PDE4D: variants seen among roughly 807,000 people sequenced by gnomAD.
PDE4D encodes the protein 3',5'-cyclic-AMP phosphodiesterase 4D.
A neutral mutation model predicts 87.4 loss-of-function variants in PDE4D; 24 were observed. That is an observed-to-expected ratio of 0.27 (90% confidence interval 0.20 to 0.39). The LOEUF is 0.39. Among genes scored for constraint, PDE4D ranks in the 10% least tolerant of loss-of-function variants. PDE4D has a pLI of 1.00. For synonymous variants in PDE4D, 384 were observed against 383.2 expected (o/e 1.00, Z -0.02); for missense variants, 714 against 1,041.0 (o/e 0.69, Z 4.32).
At chr5:59,339,476 G>A (rs1419832499) in intron 1 of PDE4D, among the ~76,000 whole-genome samples, 1 of 152,170 alleles carries the variant, frequency 6.6e-6, no homozygotes, top group Non-Finnish European at 1.5e-5. Context: ...GGCAAAAGAA[G>A]TTTGAGAAAA....
chr5:59,670,247 C>T (rs1746967228), intron 1 of PDE4D, among the ~76,000 whole-genome samples: 1 of 152,288 alleles, frequency 6.6e-6, no homozygotes, highest in Admixed American at 6.5e-5. Context: ...GAGCCTGACA[C>T]ACAAGTACTC....
rs757251590 is a variant in PDE4D at position 59,762,260 on chromosome 5, GCGTATATGTGTATATGGGTACACATA to G, written c.455+130882_455+130907del. Among the ~76,000 whole-genome samples, 232 of 112,666 alleles carry G rather than the reference GCGTATATGTGTATATGGGTACACATA, an allele frequency of 2.1e-3. 5 individuals carry two copies. The highest frequency in any genetic ancestry group is 2.3e-3 in the Non-Finnish European group (115 of 50,416). The allele number at this position is 112,666 out of a possible 152,430, so 73.9% of individuals were successfully genotyped here. A position where few individuals can be genotyped will look rare whatever the true frequency, so the allele number is the denominator to read the frequency against. On this transcript the variant is annotated intron_variant, in intron 1 of 14. Coordinates refer to ENST00000340635, the MANE Select transcript of PDE4D (RefSeq NM_001104631.2). ...TATATGTGTATATGGGTACACATAT[GCGTATATGTGTATATGGGTACACATA>G]TGCGTATATGGGTACACATATGCGT...
In PDE4D at chr5:58,990,855, T is replaced by G. The variant is rs753197466; in HGVS notation, c.1236A>C (p.Ala412=). The G allele has an allele frequency of 1.9e-6, 3 of 1,606,504 alleles. No homozygotes were observed. Among genetic ancestry groups the G allele is most frequent in the Non-Finnish European group, 2.6e-6 (3 of 1,176,166 alleles). The change falls in exon 9 of 15, where the codon GCA becomes GCC. Residue 412 remains alanine (A), a synonymous_variant. Transcript: ENST00000340635. ...NKWGLHVFRI[A]ELSGNRPLTV... ...TCAAGGGCCGGTTACCAGACAACTC[T>G]GCTATTCTGAAAACATGAAGACCCC...
Position 59,070,480 on chromosome 5 carries a change from T to C in PDE4D, c.809-31509A>G, listed in dbSNP as rs186270648. On this transcript the variant is annotated intron_variant, in intron 5 of 14. Coordinates refer to ENST00000340635, the MANE Select transcript of PDE4D (RefSeq NM_001104631.2). ...ACAGTTACTTCTTAATAGTTCATTT[T>C]TTTGGGCATTGCTTATTGATACTTC... 9.9e-4 allele frequency among the ~76,000 whole-genome samples: 151 copies of C among 152,304 alleles called. 2 individuals carry two copies. The highest frequency in any genetic ancestry group is 3.3e-3 in the African/African-American group (136 of 41,582).
intron 3 of PDE4D, among the ~76,000 whole-genome samples, chr5:59,934,611 T>C (rs1227826138): frequency 6.6e-6 from 1 of 152,200 alleles, no homozygotes; most frequent in Non-Finnish European, 1.5e-5. Flanking sequence ...ATCTATAATA[T>C]ATAGTGCAGC....
intron 2 of PDE4D, among the ~76,000 whole-genome samples, chr5:60,138,596 A>G (rs1036849105): frequency 6.6e-6 from 1 of 151,762 alleles, no homozygotes; most frequent in Non-Finnish European, 1.5e-5. Flanking sequence ...CATACATAGA[A>G]GTTTAAATCA....
chr5:59,855,799 T>G (rs1745340406), intron 1 of PDE4D, among the ~76,000 whole-genome samples: 1 of 152,192 alleles, frequency 6.6e-6, no homozygotes, highest in Admixed American at 6.6e-5. Flanking sequence ...ATACATATTT[T>G]TGATTCACAT....
At chr5:59,271,334 T>A (rs1407272343) in intron 1 of PDE4D, among the ~76,000 whole-genome samples, 2 of 152,098 alleles carry the variant, frequency 1.3e-5, no homozygotes, top group African/African-American at 4.8e-5. Flanking sequence ...CTACGCCGCC[T>A]GGCCAAAAAT....
intron 1 of PDE4D, among the ~76,000 whole-genome samples, chr5:59,546,021 T>A (rs999921839): frequency 1.3e-5 from 2 of 152,112 alleles, no homozygotes. Flanking sequence ...AAAAATATAT[T>A]TATACTGGAA....
intron 1 of PDE4D, among the ~76,000 whole-genome samples, chr5:59,388,753 A>G (rs1787632131): frequency 6.6e-6 from 1 of 152,056 alleles, no homozygotes; most frequent in South Asian, 2.1e-4. Context: ...CAGATATACC[A>G]TGAATGACAT....
chr5:60,360,502 C>A (rs1217409907), intron 1 of PDE4D, among the ~76,000 whole-genome samples: 5 of 152,164 alleles, frequency 3.3e-5, no homozygotes, highest in Admixed American at 2.6e-4. Flanking sequence ...ACCAGCTTAC[C>A]ACCACACACA....
intron 3 of PDE4D, among the ~76,000 whole-genome samples, chr5:59,918,274 G>T (rs1754292185): frequency 6.6e-6 from 1 of 151,680 alleles, no homozygotes; most frequent in African/African-American, 2.4e-5. Flanking sequence ...TTTTAAAGAG[G>T]CACCTGTTTG....
chr5:59,459,862 T>A (rs1800492343), intron 1 of PDE4D, among the ~76,000 whole-genome samples: 1 of 152,200 alleles, frequency 6.6e-6, no homozygotes, highest in Non-Finnish European at 1.5e-5. Flanking sequence ...AAATTTTACA[T>A]GGCATCCCCT....
intron 1 of PDE4D, among the ~76,000 whole-genome samples, chr5:59,886,087 T>A (rs1581595087): frequency 6.6e-6 from 1 of 152,356 alleles, no homozygotes; most frequent in Non-Finnish European, 1.5e-5. Flanking sequence ...GGTTTCATTA[T>A]TATTTCCACA....
rs147809615 is a variant in PDE4D at position 59,217,887 on chromosome 5, T to C, written c.456-1919A>G. On this transcript the variant is annotated intron_variant, in intron 1 of 14. Transcript: ENST00000340635. ...CTCTAATCATTCAATAGACATACATTAGGGATCTTTGGCAAACTCTCCTTG... is the reference window on the plus strand; with the variant it reads ...CTCTAATCATTCAATAGACATACATCAGGGATCTTTGGCAAACTCTCCTTG... 1.7e-3 allele frequency: 617 copies of C among 352,618 alleles called. 2 individuals are homozygous for C. The highest frequency in any genetic ancestry group is 0.012 in the African/African-American group (568 of 45,834). 21.8% of individuals were successfully genotyped at this position (352,618 alleles called of 1,614,324 possible).
At chr5:60,186,352 T>C (rs192637980) in intron 1 of PDE4D, among the ~76,000 whole-genome samples, 102 of 152,302 alleles carry the variant, frequency 6.7e-4, no homozygotes, top group Non-Finnish European at 1.2e-3. Flanking sequence ...TTGAATGACA[T>C]TGACATCCTC....
chr5:59,692,188 GA>G (rs1219224091), intron 1 of PDE4D, among the ~76,000 whole-genome samples: 1 of 152,158 alleles, frequency 6.6e-6, no homozygotes, highest in Non-Finnish European at 1.5e-5. Context: ...AATTAGTTAA[GA>G]AATAAGACAT....
At chr5:59,716,558 T>C (rs1291338913) in intron 1 of PDE4D, among the ~76,000 whole-genome samples, 1 of 152,198 alleles carries the variant, frequency 6.6e-6, no homozygotes, top group Non-Finnish European at 1.5e-5. Context: ...GTAATCCTCT[T>C]ACTTTAAGAT....
chr5:59,746,095 T>A (rs896077754), intron 1 of PDE4D, among the ~76,000 whole-genome samples: 3 of 152,138 alleles, frequency 2.0e-5, no homozygotes, highest in South Asian at 2.1e-4. Flanking sequence ...ATATATATAT[T>A]TTTTCAAAAA....
Sources: allele counts gnomAD v4.1 joint callset (sites outside exome capture counted in the v4.1 genomes callset), GRCh38; gene constraint gnomAD v4.1.1; transcripts MANE v1.5; gene names NCBI Gene and HGNC (gene_info 2026-07-23, HGNC 2026-07-21).